The following PXDNL variants were observed in gnomAD, a reference collection of about 807,000 sequenced individuals.
PXDNL encodes the protein probable oxidoreductase PXDNL.
PXDNL carries 145 observed loss-of-function variants against 150.8 expected under a neutral mutation model. The ratio of observed to expected loss-of-function variants is 0.96; its 90% CI spans 0.84 to 1.10. PXDNL has a LOEUF of 1.10. Among genes scored for constraint, PXDNL ranks in the 50% least tolerant of loss-of-function variants. The probability of loss-of-function intolerance (pLI) is 0.00; values close to 1 mark genes in which losing one functional copy is unlikely to be tolerated. For synonymous variants in PXDNL, 757 were observed against 725.7 expected, an observed-to-expected ratio of 1.04 and a Z score of -0.69; for missense variants, 2,087 against 1,873.9, an observed-to-expected ratio of 1.11 and a Z score of -2.10.
At chr8:51,466,183 G>A (rs902178044) in intron 8 of PXDNL, among the ~76,000 whole-genome samples, 5 of 152,002 alleles carry the variant, frequency 3.3e-5, no homozygotes, top group Non-Finnish European at 5.9e-5. Context: ...AAAACATGGT[G>A]CTAGTACAAA....
At chr8:51,781,661 T>G (rs1052116216) in intron 1 of PXDNL, among the ~76,000 whole-genome samples, 1 of 152,222 alleles carries the variant, frequency 6.6e-6, no homozygotes, top group South Asian at 2.1e-4. Context: ...GCTCCTACCC[T>G]GCCAGAGACA....
chr8:51,614,630 TG>T (rs1814094458), intron 2 of PXDNL, among the ~76,000 whole-genome samples: 1 of 152,216 alleles, frequency 6.6e-6, no homozygotes, highest in Non-Finnish European at 1.5e-5. Flanking sequence ...CTTTTAACCC[TG>T]TATTATAGAG....
At chr8:51,792,538 G>A (rs1391061372) in intron 1 of PXDNL, among the ~76,000 whole-genome samples, 1 of 152,228 alleles carries the variant, frequency 6.6e-6, no homozygotes. Flanking sequence ...CCCGGCAGGA[G>A]AGGTGTTCAT....
chr8:51,587,174 T>C (rs1813342844), intron 3 of PXDNL, among the ~76,000 whole-genome samples: 1 of 152,210 alleles, frequency 6.6e-6, no homozygotes, highest in South Asian at 2.1e-4. Flanking sequence ...TTTTTGGAGT[T>C]TATCATTAGA....
intron 7 of PXDNL, 53 bp from the exon 8 acceptor site, chr8:51,472,357 T>C: frequency 7.4e-7 from 1 of 1,350,672 alleles, no homozygotes; most frequent in Non-Finnish European, 1.1e-6. Flanking sequence ...ATTATGGCCT[T>C]CCAAGATGCT....
chr8:51,519,503 G>A (rs531987063), intron 4 of PXDNL, among the ~76,000 whole-genome samples: 3 of 151,962 alleles, frequency 2.0e-5, no homozygotes, highest in Admixed American at 6.6e-5. Flanking sequence ...ACTGCACTCC[G>A]GCCTGGGCAA....
At chr8:51,615,725 G>A (rs539350350) in intron 2 of PXDNL, among the ~76,000 whole-genome samples, 2 of 152,274 alleles carry the variant, frequency 1.3e-5, no homozygotes, top group Non-Finnish European at 2.9e-5. Flanking sequence ...TTTTACCAAT[G>A]ATGACAATTC....
At chr8:51,402,084 G>A (rs1391839778) in intron 17 of PXDNL, among the ~76,000 whole-genome samples, 1 of 152,172 alleles carries the variant, frequency 6.6e-6, no homozygotes, top group African/African-American at 2.4e-5. Context: ...CATGCGGTTT[G>A]ATCTCCTGAA....
intron 4 of PXDNL, among the ~76,000 whole-genome samples, chr8:51,546,801 G>C (rs141081239): frequency 5.1e-4 from 77 of 152,326 alleles, no homozygotes; most frequent in Middle Eastern, 3.4e-3. Flanking sequence ...ACTCAGTGCA[G>C]ATGGGCGGGG....
intron 2 of PXDNL, among the ~76,000 whole-genome samples, chr8:51,611,649 A>G (rs765711192): frequency 5.9e-5 from 9 of 152,256 alleles, no homozygotes; most frequent in Non-Finnish European, 1.3e-4. Context: ...TTTGAATGAA[A>G]GAAGCAGGAA....
intron 17 of PXDNL, among the ~76,000 whole-genome samples, chr8:51,396,170 G>T (rs967841240): frequency 2.1e-5 from 3 of 145,330 alleles, no homozygotes; most frequent in Non-Finnish European, 4.4e-5. Context: ...TGGGCTAGAC[G>T]GGGAATGGGA....
chr8:51,656,159 T>C (rs1467649178), intron 1 of PXDNL, among the ~76,000 whole-genome samples: 2 of 152,152 alleles, frequency 1.3e-5, no homozygotes, highest in Non-Finnish European at 2.9e-5. Flanking sequence ...AATTAATTTC[T>C]CAAAACAAAA....
rs117490265 is a variant in PXDNL, at chr8:51,432,206, G to T, written c.1526-5448C>A. On this transcript the variant is annotated intron_variant, in intron 12 of 22. Transcript: ENST00000356297. ...ACCTTCTCCCTGTGGATAATGAGTT[G>T]CCCAGGACTATTACTGAGAAGCCAT... Among the ~76,000 whole-genome samples, 5 of 152,238 alleles carry T rather than the reference G, an allele frequency of 3.3e-5. No homozygotes were observed. The East Asian group carries it at 5.8e-4, about 18-fold the overall frequency.
chr8:51,632,264 G>A (rs1305561136), intron 2 of PXDNL, among the ~76,000 whole-genome samples: 1 of 152,114 alleles, frequency 6.6e-6, no homozygotes, highest in African/African-American at 2.4e-5. Context: ...TAGAGGACTT[G>A]AAAAGCACTG....
intron 4 of PXDNL, among the ~76,000 whole-genome samples, chr8:51,513,803 A>C (rs1425727647): frequency 6.6e-6 from 1 of 152,192 alleles, no homozygotes; most frequent in Non-Finnish European, 1.5e-5. Context: ...CCAACTATAA[A>C]ATTCTACAAT....
intron 4 of PXDNL, among the ~76,000 whole-genome samples, chr8:51,544,209 C>A (rs1418265618): frequency 9.2e-5 from 14 of 152,114 alleles, no homozygotes; most frequent in Non-Finnish European, 8.8e-5. Flanking sequence ...CTTTATGCAA[C>A]TGAGCATGAA....
chr8:51,770,939 A>G (rs998604696), intron 1 of PXDNL, among the ~76,000 whole-genome samples: 1 of 152,178 alleles, frequency 6.6e-6, no homozygotes, highest in Non-Finnish European at 1.5e-5. Context: ...TCTTCCCACA[A>G]AAGGAAAGTG....
In PXDNL at chr8:51,428,868, C is replaced by A. The variant is rs560029738; in HGVS notation, c.1526-2110G>T. Among the ~76,000 whole-genome samples the A allele has an allele frequency of 5.4e-5, 8 of 147,132 alleles. No homozygotes were observed. The South Asian group carries it at 1.7e-3, about 31-fold the overall frequency. ...CAGGATTTCACCAAAATAAAAAATTCTGTGCTGTGAACACCATGCTGAGAG... is the reference window on the plus strand; with the variant it reads ...CAGGATTTCACCAAAATAAAAAATTATGTGCTGTGAACACCATGCTGAGAG... On this transcript the variant is annotated intron_variant, in intron 12 of 22. Coordinates refer to ENST00000356297, the MANE Select transcript of PXDNL (RefSeq NM_144651.5).
rs182890969 is a variant in PXDNL at position 51,495,945 on chromosome 8, C to T, written c.452+3754G>A. Among the ~76,000 whole-genome samples the T allele has an allele frequency of 3.1e-4, 47 of 152,282 alleles. No individual in the cohort carries two copies. In the East Asian group the frequency reaches 6.6e-3, roughly 21 times the overall value. ...ACTCATTTTATGAGGCTGGCATCATCCTGATACCAAAGCCTGGCAGAGACA... is the reference window on the plus strand; with the variant it reads ...ACTCATTTTATGAGGCTGGCATCATTCTGATACCAAAGCCTGGCAGAGACA... On this transcript the variant is annotated intron_variant, in intron 5 of 22. Transcript: ENST00000356297.
Sources: gnomAD v4.1 joint callset for allele counts (sites outside exome capture counted in the v4.1 genomes callset) on GRCh38, gnomAD v4.1.1 for gene constraint, MANE v1.5 for transcripts, NCBI Gene and HGNC (gene_info 2026-07-23, HGNC 2026-07-21) for gene names.